GEN1: variants seen among roughly 807,000 people sequenced by gnomAD.
GEN1 encodes flap endonuclease GEN homolog 1.
GEN1 carries 64 observed loss-of-function variants against 67.6 expected under a neutral mutation model. That is an observed-to-expected ratio of 0.95 (90% CI 0.77 to 1.17). GEN1 has a LOEUF of 1.17. Among genes scored for constraint, GEN1 ranks in the 50% most tolerant of loss-of-function variants. The probability of loss-of-function intolerance (pLI) is 0.00; values close to 1 mark genes in which losing one functional copy is unlikely to be tolerated. For missense variants in GEN1, 1,058 were observed against 1,048.3 expected (o/e 1.01, Z -0.13); for synonymous variants, 371 against 359.4 (o/e 1.03, Z -0.37).
At chr2:17,768,953 T>C in intron 6 of GEN1, 142 bp downstream of exon 6, 1 of 485,390 alleles carries the variant, frequency 2.1e-6, no homozygotes, top group Non-Finnish European at 3.7e-6. Flanking sequence ...TTTAAGATAA[T>C]TTATTTTTAT....
rs1453900006 is a variant in GEN1 at position 17,771,291 on chromosome 2, AG to A, written c.802+6del. On this transcript the variant is annotated splice_donor_5th_base_variant and intron_variant, in intron 7 of 13. Coordinates refer to ENST00000381254, the MANE Select transcript of GEN1 (RefSeq NM_001130009.3). ...TGTTCCGTATGTTCCCATCCAGGTA[AG>A]GAGACATAGGGAATGGTTATTAGTA... The A allele has an allele frequency of 6.5e-7, 1 of 1,544,378 alleles. No individual in the cohort carries two copies. The highest frequency in any genetic ancestry group is 9.0e-7 in the Non-Finnish European group (1 of 1,116,990).
Position 17,773,292 on chromosome 2 carries a change from T to A in GEN1, c.1064T>A (p.Leu355Ter). The A allele has an allele frequency of 5.7e-6, 9 of 1,570,852 alleles. No individual in the cohort carries two copies. Among genetic ancestry groups the A allele is most frequent in the Non-Finnish European group, 6.1e-6 (7 of 1,147,752 alleles). ...AGGTACCAAAGACCTGATTTGTTATTGTTTCAGGTATCTGAAAATAAATTC... is the reference window on the plus strand; with the variant it reads ...AGGTACCAAAGACCTGATTTGTTATAGTTTCAGGTATCTGAAAATAAATTC... ...VIRYQRPDLL[L>*]FQRFTLEKME... Residue 355 changes from leucine (L) to a stop codon, truncating the protein, a stop_gained, in exon 10 of 14, where the codon TTG becomes TAG. Coordinates refer to ENST00000381254, the MANE Select transcript of GEN1 (RefSeq NM_001130009.3). LOFTEE classifies it high-confidence loss of function.
chr2:17,756,829 T>C (rs1671454256), intron 1 of GEN1, among the ~76,000 whole-genome samples: 1 of 152,252 alleles, frequency 6.6e-6, no homozygotes, highest in African/African-American at 2.4e-5. Context: ...TCTTTCAGTG[T>C]AGTTGTACTT....
In GEN1 at chr2:17,756,067, G is replaced by T. The variant is rs115921309; in HGVS notation, c.-16+1722G>T. 1.9e-3 allele frequency among the ~76,000 whole-genome samples: 284 copies of T among 152,236 alleles called. 3 individuals carry two copies. The highest frequency in any genetic ancestry group is 6.5e-3 in the African/African-American group (272 of 41,534). Reference sequence around the variant, plus strand: ...TTATTCCATGCTACCAGTTGGTCATGCAATTCAAATATTAAATACTAGATT... The same window carrying T: ...TTATTCCATGCTACCAGTTGGTCATTCAATTCAAATATTAAATACTAGATT... On this transcript the variant is annotated intron_variant, in intron 1 of 13. Coordinates refer to ENST00000381254, the MANE Select transcript of GEN1 (RefSeq NM_001130009.3).
At chr2:17,758,940 C>T (rs757480759) in intron 1 of GEN1, among the ~76,000 whole-genome samples, 1 of 151,976 alleles carries the variant, frequency 6.6e-6, no homozygotes, top group African/African-American at 2.4e-5. Context: ...AAGTCACAGA[C>T]AGCAACGCTT....
rs769373840 is a variant in GEN1, at chr2:17,766,678, T to A, written c.625T>A (p.Tyr209Asn). The A allele has an allele frequency of 4.4e-6, 7 of 1,573,576 alleles. No homozygotes were observed. The Admixed American group carries it at 1.2e-4, about 26-fold the overall frequency. The change falls in exon 5 of 14, where the codon TAT (tyrosine) becomes AAT (asparagine). Residue 209 changes from tyrosine (Y) to asparagine (N), a missense_variant. By Grantham distance (143) the Tyr-to-Asn change is moderately radical (BLOSUM62 -2). Coordinates refer to ENST00000381254, the MANE Select transcript of GEN1 (RefSeq NM_001130009.3). ...ATTAGCAATACTTCTTGGCTGTGAT[T>A]ATCTCCCAAAGGTAAGCTGAAATTG... ...VGLAILLGCDYLPKGVPGVGK... is the reference protein window; with the variant it reads ...VGLAILLGCDNLPKGVPGVGK...
At chr2:17,770,135 A>C (rs1457668585) in intron 6 of GEN1, among the ~76,000 whole-genome samples, 1 of 152,186 alleles carries the variant, frequency 6.6e-6, no homozygotes, top group African/African-American at 2.4e-5. Context: ...AATTGTAAAA[A>C]ATAATATAAA....
chr2:17,763,528 C>G (rs2125125206), intron 3 of GEN1, among the ~76,000 whole-genome samples: 1 of 152,268 alleles, frequency 6.6e-6, no homozygotes, highest in East Asian at 1.9e-4. Flanking sequence ...GCCCTGCTTC[C>G]TCCTAATCCA....
At chr2:17,778,087 T>C (rs1672526760) in intron 12 of GEN1, 24 bp downstream of exon 12, 2 of 1,311,666 alleles carry the variant, frequency 1.5e-6, no homozygotes, top group African/African-American at 2.9e-5. Flanking sequence ...TTAAGCAAAA[T>C]ATTCCATTTA....
intron 11 of GEN1, among the ~76,000 whole-genome samples, 180 bp from the exon 12 acceptor site, chr2:17,777,822 A>G (rs1672509917): frequency 6.6e-6 from 1 of 152,104 alleles, no homozygotes; most frequent in South Asian, 2.1e-4. Flanking sequence ...ACTAACAGTA[A>G]TAAACTCTAT....
chr2:17,762,171 A>G (rs1671713061), intron 3 of GEN1, among the ~76,000 whole-genome samples: 1 of 148,626 alleles, frequency 6.7e-6, no homozygotes, highest in Non-Finnish European at 1.5e-5. Flanking sequence ...AACAATAGGA[A>G]GCTTTTTTTT....
intron 3 of GEN1, among the ~76,000 whole-genome samples, chr2:17,761,817 C>T (rs557688758): frequency 1.1e-4 from 16 of 152,148 alleles, no homozygotes; most frequent in African/African-American, 3.9e-4. Flanking sequence ...TTGTATGTTA[C>T]CTTGTGAAAT....
rs1349700367 is a variant in GEN1, at chr2:17,786,468, T to C, written c.*4529T>C. ...TATAATGTGGTAACTAATATTCATC[T>C]AATCACCTACCACATTTTTGGAGCA... On this transcript the variant is annotated 3_prime_UTR_variant, in exon 14 of 14. Coordinates refer to ENST00000381254, the MANE Select transcript of GEN1 (RefSeq NM_001130009.3). 6.6e-6 allele frequency: 1 copy of C among 152,200 alleles called. No homozygotes were observed. The highest frequency in any genetic ancestry group is 1.5e-5 in the Non-Finnish European group (1 of 68,038). 9.4% of individuals were successfully genotyped at this position (152,200 alleles called of 1,614,324 possible). A position where few individuals can be genotyped will look rare whatever the true frequency, so the allele number is the denominator to read the frequency against.
At chr2:17,753,965 GA>G (rs1671256397), upstream of GEN1, 2 of 152,488 alleles carry the variant, frequency 1.3e-5, no homozygotes, top group African/African-American at 4.8e-5. Flanking sequence ...GGACTCGGGG[GA>G]GGTGAGTGAT....
chr2:17,756,088 A>G (rs1047825981), intron 1 of GEN1, among the ~76,000 whole-genome samples: 1 of 152,198 alleles, frequency 6.6e-6, no homozygotes, highest in African/African-American at 2.4e-5. Flanking sequence ...ATTAAATACT[A>G]GATTACAGAT....
In GEN1 at chr2:17,781,048, A is replaced by G. The variant is rs771722849; in HGVS notation, c.1836A>G (p.Ser612=). ...ATACTTTTTCTCATGATTTAAAATC[A>G]GAAGTTGAATCAGAGCTATCAGCCA... ...QRNTFSHDLK[S]EVESELSAIP... is the part of the protein sequence containing the mutation. Residue 612 remains serine, a synonymous_variant, in exon 14 of 14, where the codon TCA becomes TCG. Coordinates refer to ENST00000381254, the MANE Select transcript of GEN1 (RefSeq NM_001130009.3). The G allele has an allele frequency of 1.9e-6, 3 of 1,613,842 alleles. No homozygotes were observed. In the African/African-American group the frequency reaches 4.0e-5, roughly 22 times the overall value.
chr2:17,761,779 T>G lies in GEN1; in HGVS notation c.348+197T>G, dbSNP rs113100475. Among the ~76,000 whole-genome samples, 488 of 152,310 alleles carry G rather than the reference T, an allele frequency of 3.2e-3. 4 individuals are homozygous for G. Among genetic ancestry groups the G allele is most frequent in the African/African-American group, 0.011 (455 of 41,564 alleles). ...CTGGTATGTAGAAACTCTGAGACAC[T>G]GAGCAAAATTTGTAACCTATCTCTA... is the stretch of plus-strand genomic sequence containing the variant. On this transcript the variant is annotated intron_variant, in intron 3 of 13. Transcript: ENST00000381254.
At position 17,765,110 on chromosome 2, in the gene GEN1, C is replaced by T. The variant is rs752757589; in HGVS notation, c.525+37C>T. ...CTTTCTCTTTTTCAGCATTTGTTTA[C>T]GAACTACCTTTTTTAAAGGGCTGAT... On this transcript the variant is annotated intron_variant, in intron 4 of 13. Coordinates refer to ENST00000381254, the MANE Select transcript of GEN1 (RefSeq NM_001130009.3). The T allele has an allele frequency of 1.1e-4, 182 of 1,590,804 alleles. 1 individual carries two copies. Among genetic ancestry groups the T allele is most frequent in the East Asian group, 1.8e-4 (8 of 44,706 alleles).
Position 17,787,776 on chromosome 2 carries a change from T to C in GEN1, c.*5837T>C, listed in dbSNP as rs570235026. ...CCATCTCTACAAAAAATACAAAAAT[T>C]AGCCGGGTGTGGTGATGGGTACCTG... On this transcript the variant is annotated 3_prime_UTR_variant, in exon 14 of 14. Transcript: ENST00000381254. The C allele has an allele frequency of 2.6e-5, 4 of 152,070 alleles. No individual in the cohort carries two copies. The highest frequency in any genetic ancestry group is 9.6e-5 in the African/African-American group (4 of 41,482). 9.4% of individuals were successfully genotyped at this position (152,070 alleles called of 1,614,324 possible).
Sources: gnomAD v4.1 joint callset for allele counts (sites outside exome capture counted in the v4.1 genomes callset) on GRCh38, gnomAD v4.1.1 for gene constraint, MANE v1.5 for transcripts, NCBI Gene and HGNC (gene_info 2026-07-23, HGNC 2026-07-21) for gene names.